DYNC1I1: variants seen among roughly 807,000 people sequenced by gnomAD.
The protein encoded by DYNC1I1 is dynein cytoplasmic 1 intermediate chain 1.
A neutral mutation model predicts 86.6 loss-of-function variants in DYNC1I1; 43 were observed. The observed-to-expected ratio is 0.50, with a 90% CI of 0.39 to 0.64. The LOEUF (loss-of-function observed/expected upper bound fraction) is 0.64. Ranked by LOEUF, DYNC1I1 falls within the 30% of genes least tolerant of loss-of-function variation. The pLI, the probability that DYNC1I1 is intolerant of heterozygous loss-of-function variation, is 0.00. For missense variants in DYNC1I1, 604 were observed against 788.8 expected (o/e 0.77, Z 2.81); for synonymous variants, 262 against 283.7 (o/e 0.92, Z 0.77).
At chr7:96,041,279 A>G (rs544056263) in intron 14 of DYNC1I1, among the ~76,000 whole-genome samples, 14 of 152,344 alleles carry the variant, frequency 9.2e-5, no homozygotes, top group Non-Finnish European at 1.5e-4. Context: ...GTTGAGAAAC[A>G]TATTTCCAAC....
At chr7:95,995,879 T>C in intron 9 of DYNC1I1, 69 bp from the exon 10 acceptor site, 1 of 1,534,562 alleles carries the variant, frequency 6.5e-7, no homozygotes, top group Non-Finnish European at 8.7e-7. Flanking sequence ...CACGTGTATG[T>C]AGGAATAACA....
intron 1 of DYNC1I1, among the ~76,000 whole-genome samples, chr7:95,789,311 G>A (rs1016987161): frequency 6.6e-6 from 1 of 152,178 alleles, no homozygotes; most frequent in African/African-American, 2.4e-5. Context: ...ATCCAAGAGC[G>A]GCATTTAGCA....
At chr7:95,958,777 A>G (rs1265447586) in intron 6 of DYNC1I1, among the ~76,000 whole-genome samples, 1 of 152,234 alleles carries the variant, frequency 6.6e-6, no homozygotes, top group African/African-American at 2.4e-5. Context: ...AAAAGTTGAC[A>G]TTGATTCTGT....
intron 7 of DYNC1I1, among the ~76,000 whole-genome samples, chr7:95,980,330 C>T (rs1793424157): frequency 6.7e-6 from 1 of 149,680 alleles, no homozygotes; most frequent in Non-Finnish European, 1.5e-5. Context: ...TAAAGCAAGA[C>T]AGTATTTTGC....
chr7:96,082,810 T>C (rs1183070925), intron 16 of DYNC1I1, among the ~76,000 whole-genome samples: 1 of 152,226 alleles, frequency 6.6e-6, no homozygotes. Context: ...TTGGCTGATA[T>C]GTGGCTGCTA....
chr7:96,031,481 A>G (rs1794805909), intron 11 of DYNC1I1, among the ~76,000 whole-genome samples: 1 of 152,170 alleles, frequency 6.6e-6, no homozygotes, highest in South Asian at 2.1e-4. Context: ...CATTAGTGGA[A>G]GAAAAAACTC....
At chr7:95,940,290 C>G (rs1343392627) in intron 6 of DYNC1I1, among the ~76,000 whole-genome samples, 2 of 151,274 alleles carry the variant, frequency 1.3e-5, no homozygotes, top group Non-Finnish European at 3.0e-5. Context: ...AGTTGCTCTT[C>G]TCGAGGAGTA....
At chr7:96,107,869 GTTTTTTTTTT>G (rs1178550637) in intron 16 of DYNC1I1, among the ~76,000 whole-genome samples, 2 of 119,062 alleles carry the variant, frequency 1.7e-5, no homozygotes, top group Non-Finnish European at 3.5e-5. Context: ...TCATTGACAG[GTTTTTTTTTT>G]TTTTTTTTTT....
chr7:96,040,115 T>C (rs533345345), intron 14 of DYNC1I1, among the ~76,000 whole-genome samples: 1 of 152,124 alleles, frequency 6.6e-6, no homozygotes, highest in African/African-American at 2.4e-5. Context: ...ATGCCTGTAG[T>C]CCCAGCTACT....
chr7:95,876,609 T>G (rs183181902), intron 6 of DYNC1I1, among the ~76,000 whole-genome samples: 1 of 152,326 alleles, frequency 6.6e-6, no homozygotes, highest in East Asian at 1.9e-4. Flanking sequence ...AGCATATTAA[T>G]AATTTTCAAA....
chr7:96,040,772 A>G (rs1248362003), intron 14 of DYNC1I1, among the ~76,000 whole-genome samples: 1 of 148,086 alleles, frequency 6.8e-6, no homozygotes, highest in African/African-American at 2.5e-5. Context: ...CCCAGGCTGG[A>G]GTGCAATGGC....
chr7:96,032,841 G>A (rs1362097362), intron 12 of DYNC1I1, 61 bp downstream of exon 12: 6 of 1,421,182 alleles, frequency 4.2e-6, no homozygotes, highest in East Asian at 2.3e-5. Context: ...CTACTTAATG[G>A]AACATAGTTC....
At chr7:95,831,652 A>T (rs1185012001) in intron 5 of DYNC1I1, among the ~76,000 whole-genome samples, 1 of 136,156 alleles carries the variant, frequency 7.3e-6, no homozygotes, top group East Asian at 2.2e-4. Flanking sequence ...TTTCCTCAAT[A>T]TCCCTTCCAA....
intron 10 of DYNC1I1, 33 bp from the exon 11 acceptor site, chr7:96,028,142 G>C: frequency 6.2e-7 from 1 of 1,603,718 alleles, no homozygotes; most frequent in Non-Finnish European, 8.5e-7. Context: ...ATTTCACATT[G>C]CATCTCTCTC....
intron 6 of DYNC1I1, among the ~76,000 whole-genome samples, chr7:95,872,470 T>A (rs1052674418): frequency 3.3e-5 from 5 of 152,192 alleles, no homozygotes; most frequent in African/African-American, 7.2e-5. Flanking sequence ...GCATTCAAGT[T>A]CTTACACATT....
chr7:95,951,619 T>C (rs939357726), intron 6 of DYNC1I1, among the ~76,000 whole-genome samples: 1 of 152,222 alleles, frequency 6.6e-6, no homozygotes, highest in African/African-American at 2.4e-5. Flanking sequence ...TATCTGAAAC[T>C]TATGCTTTAG....
At chr7:95,888,295 A>G (rs1199627126) in intron 6 of DYNC1I1, among the ~76,000 whole-genome samples, 1 of 151,962 alleles carries the variant, frequency 6.6e-6, no homozygotes, top group East Asian at 1.9e-4. Flanking sequence ...AATCTAGCTG[A>G]ACGTGGTAGT....
chr7:96,100,113 A>T (rs1001620543), downstream of DYNC1I1, among the ~76,000 whole-genome samples: 1 of 152,148 alleles, frequency 6.6e-6, no homozygotes, highest in African/African-American at 2.4e-5. Flanking sequence ...TTTGAAACCC[A>T]TTACCAAGTT....
intron 5 of DYNC1I1, 38 bp from the exon 6 acceptor site, chr7:95,869,845 C>A: frequency 2.0e-6 from 3 of 1,522,506 alleles, no homozygotes; most frequent in Non-Finnish European, 2.7e-6. Context: ...GCAAGGAATG[C>A]CTCCCCTCTC....
Sources: gnomAD v4.1 joint callset for allele counts (sites outside exome capture counted in the v4.1 genomes callset) on GRCh38, gnomAD v4.1.1 for gene constraint, MANE v1.5 for transcripts, NCBI Gene and HGNC (gene_info 2026-07-23, HGNC 2026-07-21) for gene names.